ANKS1B: variants seen among roughly 807,000 people sequenced by gnomAD.
The protein encoded by ANKS1B is ankyrin repeat and sterile alpha motif domain containing 1B.
A neutral mutation model predicts 148.3 loss-of-function variants in ANKS1B; 36 were observed. That is an observed-to-expected ratio of 0.24 (90% confidence interval 0.19 to 0.32). ANKS1B has a LOEUF of 0.32. Ranked by LOEUF, ANKS1B falls within the 10% of genes least tolerant of loss-of-function variation. ANKS1B has a pLI of 1.00. For missense variants in ANKS1B, 1,157 were observed against 1,542.6 expected, an observed-to-expected ratio of 0.75 and a Z score of 4.19; for synonymous variants, 542 against 560.8, an observed-to-expected ratio of 0.97 and a Z score of 0.47.
chr12:98,815,643 G>A (rs1373442391), intron 19 of ANKS1B, among the ~76,000 whole-genome samples: 1 of 152,114 alleles, frequency 6.6e-6, no homozygotes, highest in African/African-American at 2.4e-5. Context: ...ACCTCCCTGT[G>A]AGCTTCCTTG....
At chr12:99,130,564 A>G (rs1455062246) in intron 15 of ANKS1B, among the ~76,000 whole-genome samples, 1 of 152,090 alleles carries the variant, frequency 6.6e-6, no homozygotes, top group Non-Finnish European at 1.5e-5. Flanking sequence ...ATCAGCTAAT[A>G]AGCTCCTCTT....
intron 17 of ANKS1B, among the ~76,000 whole-genome samples, chr12:98,984,992 C>A (rs1466152850): frequency 6.6e-6 from 1 of 152,120 alleles, no homozygotes; most frequent in Non-Finnish European, 1.5e-5. Flanking sequence ...ACCTGGGTGA[C>A]AAAGTGAGAC....
chr12:99,546,689 T>C (rs2097175417), intron 9 of ANKS1B, among the ~76,000 whole-genome samples: 2 of 152,034 alleles, frequency 1.3e-5, no homozygotes, highest in African/African-American at 2.4e-5. Flanking sequence ...ACGTTAAGGG[T>C]TCTACTTTAT....
At chr12:99,340,938 T>C (rs1338457530) in intron 12 of ANKS1B, among the ~76,000 whole-genome samples, 1 of 152,142 alleles carries the variant, frequency 6.6e-6, no homozygotes, top group Non-Finnish European at 1.5e-5. Context: ...TAGATTTATC[T>C]CAATATATAT....
At chr12:99,453,149 G>A (rs2095784300) in intron 10 of ANKS1B, among the ~76,000 whole-genome samples, 1 of 152,056 alleles carries the variant, frequency 6.6e-6, no homozygotes, top group African/African-American at 2.4e-5. Flanking sequence ...AATTAGCCAG[G>A]CGTGGTGGTG....
chr12:99,909,050 T>C (rs2093900116), intron 1 of ANKS1B, among the ~76,000 whole-genome samples: 1 of 144,424 alleles, frequency 6.9e-6, no homozygotes, highest in Admixed American at 6.9e-5. Flanking sequence ...ACCATTCTAC[T>C]CTGTGTCTAT....
chr12:99,460,726 TA>T (rs2095943812), intron 10 of ANKS1B, among the ~76,000 whole-genome samples: 1 of 129,422 alleles, frequency 7.7e-6, no homozygotes, highest in African/African-American at 3.7e-5. Context: ...AGAATGGCCA[TA>T]ATAACAAAAA....
chr12:99,441,631 G>A (rs535114068), intron 11 of ANKS1B, among the ~76,000 whole-genome samples: 2 of 151,858 alleles, frequency 1.3e-5, no homozygotes, highest in African/African-American at 4.8e-5. Context: ...GGCTGCATTG[G>A]TTCTAATTTA....
At position 99,767,613 on chromosome 12, in the gene ANKS1B, G is replaced by A. The variant is rs189439688; in HGVS notation, c.1128+5309C>T. 5.5e-4 allele frequency among the ~76,000 whole-genome samples: 84 copies of A among 152,006 alleles called. No homozygotes were observed. The East Asian group carries it at 0.014, about 26-fold the overall frequency. On this transcript the variant is annotated intron_variant, in intron 8 of 26. Transcript: ENST00000683438. ...TTTTCAGATGATTTCACATTCTTTCGAAAACCTAAATTTCATGAGTTGGTA... is the reference window on the plus strand; with the variant it reads ...TTTTCAGATGATTTCACATTCTTTCAAAAACCTAAATTTCATGAGTTGGTA...
intron 19 of ANKS1B, among the ~76,000 whole-genome samples, chr12:98,822,700 C>T (rs962007952): frequency 9.9e-5 from 15 of 152,156 alleles, no homozygotes; most frequent in African/African-American, 2.7e-4. Flanking sequence ...AAGGTGGAGA[C>T]GTCAGAGCTT....
chr12:98,819,445 A>T (rs957949688), intron 19 of ANKS1B, among the ~76,000 whole-genome samples: 4 of 152,202 alleles, frequency 2.6e-5, no homozygotes, highest in Non-Finnish European at 2.9e-5. Flanking sequence ...GTCTTAAAAA[A>T]ACTCTTCCCA....
chr12:99,550,863 C>T (rs1472887308), intron 9 of ANKS1B, among the ~76,000 whole-genome samples: 1 of 152,164 alleles, frequency 6.6e-6, no homozygotes, highest in Non-Finnish European at 1.5e-5. Context: ...AGGGATCTTC[C>T]TTATCCTGCA....
chr12:99,775,044 T>C (rs1449113330), intron 7 of ANKS1B, among the ~76,000 whole-genome samples: 1 of 151,956 alleles, frequency 6.6e-6, no homozygotes, highest in African/African-American at 2.4e-5. Context: ...GGTTCAGTTA[T>C]GGGGGATTAA....
intron 12 of ANKS1B, among the ~76,000 whole-genome samples, chr12:99,268,994 T>C (rs1357201691): frequency 6.6e-6 from 1 of 152,248 alleles, no homozygotes; most frequent in Non-Finnish European, 1.5e-5. Context: ...GTGTCATTGG[T>C]TGTATTGTGT....
At chr12:99,762,178 C>A (rs999914994) in intron 8 of ANKS1B, among the ~76,000 whole-genome samples, 1 of 151,994 alleles carries the variant, frequency 6.6e-6, no homozygotes, top group African/African-American at 2.4e-5. Context: ...TCATTTTTCA[C>A]ACAATTAGAA....
intron 8 of ANKS1B, among the ~76,000 whole-genome samples, chr12:99,686,225 T>C (rs7980447): frequency 0.45 from 68,836 of 152,002 alleles, 16,410 homozygotes; most frequent in South Asian, 0.6. Context: ...CATAACCTAA[T>C]TTGGTATGTA....
At chr12:98,768,421 C>A (rs2098514546) in intron 25 of ANKS1B, among the ~76,000 whole-genome samples, 1 of 98,110 alleles carries the variant, frequency 1.0e-5, no homozygotes, top group Non-Finnish European at 2.0e-5. Context: ...CTGTGGGGTG[C>A]TCTCTAAAAA....
At chr12:98,835,773 C>T (rs571375508) in intron 17 of ANKS1B, among the ~76,000 whole-genome samples, 5 of 152,180 alleles carry the variant, frequency 3.3e-5, no homozygotes, top group African/African-American at 9.6e-5. Flanking sequence ...AGACAGGAAA[C>T]GAATTAACAC....
chr12:99,196,574 T>C (rs2081403052), intron 14 of ANKS1B, among the ~76,000 whole-genome samples: 1 of 151,650 alleles, frequency 6.6e-6, no homozygotes, highest in South Asian at 2.1e-4. Context: ...TGAGTTGCTC[T>C]GGATGCTTTC....
Sources: allele counts gnomAD v4.1 joint callset (sites outside exome capture counted in the v4.1 genomes callset), GRCh38; gene constraint gnomAD v4.1.1; transcripts MANE v1.5; gene names NCBI Gene and HGNC (gene_info 2026-07-23, HGNC 2026-07-21).